The following BECN1 variants were observed in gnomAD, a reference collection of about 807,000 sequenced individuals.
BECN1 encodes beclin 1, also known as beclin-1.
BECN1 carries 15 observed loss-of-function variants against 60.1 expected under a neutral mutation model. That is an observed-to-expected ratio of 0.25 (90% CI 0.17 to 0.38). The LOEUF (loss-of-function observed/expected upper bound fraction) is 0.38, where lower values mean the gene tolerates loss of function less well. Among genes scored for constraint, BECN1 ranks in the 10% least tolerant of loss-of-function variants. The pLI is 1.00. For missense variants in BECN1, 424 were observed against 548.2 expected, an observed-to-expected ratio of 0.77 and a Z score of 2.26; for synonymous variants, 179 against 201.8, an observed-to-expected ratio of 0.89 and a Z score of 0.96.
chr17:42,823,909 G>A (rs905107151), intron 1 of BECN1, 30 bp from the exon 2 acceptor site: 2 of 1,606,222 alleles, frequency 1.2e-6, no homozygotes, highest in African/African-American at 2.7e-5. Flanking sequence ...GCAACATTAG[G>A]GAGAAGCGAC....
intron 10 of BECN1, chr17:42,812,210 C>A (rs928422634): frequency 6.4e-6 from 1 of 155,878 alleles, no homozygotes; most frequent in Admixed American, 6.5e-5. Context: ...CATGGAGAAA[C>A]CCCGTCTCTA....
intron 10 of BECN1, among the ~76,000 whole-genome samples, chr17:42,813,048 G>C: frequency 7.0e-6 from 1 of 143,794 alleles, no homozygotes; most frequent in Admixed American, 7.0e-5. Context: ...GTTTCACTGT[G>C]TTAGCCAGGA....
intron 1 of BECN1, 41 bp from the exon 2 acceptor site, chr17:42,823,920 G>C (rs752226314): frequency 1.9e-6 from 3 of 1,600,132 alleles, no homozygotes; most frequent in Non-Finnish European, 2.6e-6. Context: ...GAGAAGCGAC[G>C]CCCTTGACCT....
chr17:42,820,847 G>A lies in BECN1; in HGVS notation c.131-6C>T, dbSNP rs748037054. 3 of 1,592,824 alleles carry A rather than the reference G, an allele frequency of 1.9e-6. No individual in the cohort carries two copies. The highest frequency in any genetic ancestry group is 2.6e-6 in the Non-Finnish European group (3 of 1,168,262). Reference sequence around the variant, plus strand: ...GGCTGTGGTAAGTAATGGAGCTAAGGGCAAGGAAAATATTGGGTCAGAAAC... The same window carrying A: ...GGCTGTGGTAAGTAATGGAGCTAAGAGCAAGGAAAATATTGGGTCAGAAAC... On this transcript the variant is annotated splice_polypyrimidine_tract_variant and splice_region_variant and intron_variant, in intron 2 of 11. Transcript: ENST00000590099.
rs1161830191 is a variant in BECN1 at position 42,818,337 on chromosome 17, T to C, written c.567A>G (p.Leu189=). ...QLQMELKELA[L]EEERLIQELE... is the part of the protein sequence containing the mutation. ...GCTCCTGGATCAGCCTCTCCTCCTCTAGTGCCAGCTCCTTTAGCTCCATCT... is the reference window on the plus strand; with the variant it reads ...GCTCCTGGATCAGCCTCTCCTCCTCCAGTGCCAGCTCCTTTAGCTCCATCT... The change falls in exon 7 of 12, where the codon CTA becomes CTG. Residue 189 remains leucine (L), a synonymous_variant. Transcript: ENST00000590099. The C allele has an allele frequency of 1.2e-6, 2 of 1,614,232 alleles. No individual in the cohort carries two copies. Among genetic ancestry groups the C allele is most frequent in the Non-Finnish European group, 1.7e-6 (2 of 1,180,040 alleles).
intron 2 of BECN1, among the ~76,000 whole-genome samples, chr17:42,822,213 CAA>C (rs911108747): frequency 6.6e-6 from 1 of 151,582 alleles, no homozygotes; most frequent in South Asian, 2.1e-4. Context: ...AACAAACAAA[CAA>C]AAAAAAGAGC....
chr17:42,813,846 G>A, intron 10 of BECN1, 102 bp downstream of exon 10: 1 of 831,624 alleles, frequency 1.2e-6, no homozygotes, highest in Non-Finnish European at 1.9e-6. Flanking sequence ...TCATATCTAG[G>A]TCTAAAAAAT....
At chr17:42,819,337 T>C (rs942759141) in intron 4 of BECN1, 1 of 557,214 alleles carries the variant, frequency 1.8e-6, no homozygotes, top group Non-Finnish European at 3.2e-6. Context: ...TCATTAAAGC[T>C]ACTATCCTTT....
chr17:42,811,863 A>G, intron 10 of BECN1, 66 bp from the exon 11 acceptor site: 2 of 1,546,802 alleles, frequency 1.3e-6, no homozygotes, highest in Non-Finnish European at 1.8e-6. Context: ...ATTGTTCCCA[A>G]TCCTATCAAT....
chr17:42,811,057 T>C (rs1488131787), intron 11 of BECN1, 129 bp from the exon 12 acceptor site: 1 of 1,040,134 alleles, frequency 9.6e-7, no homozygotes, highest in Non-Finnish European at 1.3e-6. Context: ...GGAATGATAG[T>C]GTATTTTGGA....
At position 42,814,003 on chromosome 17, in the gene BECN1, C is replaced by T. The variant is rs368727081; in HGVS notation, c.986G>A (p.Arg329Gln). The change falls in exon 10 of 12, where the codon CGA (arginine) becomes CAA (glutamine). Residue 329 changes from arginine to glutamine, a missense_variant. By Grantham distance (43) the Arg-to-Gln change is conservative. This residue lies in a region of BECN1 where 326 missense variants were observed against 406.2 expected (regional missense o/e 0.80). Transcript: ENST00000590099. The part of the protein sequence containing the change: ...NKMGLKFQRY[R>Q]LVPYGNHSYL... The stretch of plus-strand genomic sequence containing the variant: ...TGAATGGTTTCCGTAAGGAACAAGT[C>T]GGTATCTAAAATAGAGATACAAACA... The T allele has an allele frequency of 1.8e-5, 29 of 1,600,156 alleles. No homozygotes were observed. Among genetic ancestry groups the T allele is most frequent in the Admixed American group, 5.1e-5 (3 of 58,984 alleles).
At chr17:42,818,987 G>A in intron 4 of BECN1, 110 bp from the exon 5 acceptor site, 2 of 1,236,600 alleles carry the variant, frequency 1.6e-6, no homozygotes, top group South Asian at 1.4e-5. Context: ...GGGCCTCAAG[G>A]AACATACCCA....
intron 11 of BECN1, 57 bp from the exon 12 acceptor site, chr17:42,810,985 G>A (rs2054988869): frequency 1.1e-5 from 16 of 1,489,180 alleles, no homozygotes; most frequent in South Asian, 1.4e-5. Context: ...AAGTAAGTTC[G>A]GGGCAGGGAC....
At chr17:42,816,649 C>CAA (rs1312388751) in intron 7 of BECN1, among the ~76,000 whole-genome samples, 73 of 77,254 alleles carry the variant, frequency 9.4e-4, no homozygotes, top group East Asian at 1.7e-3. Flanking sequence ...GACTCTGTCT[C>CAA]AAAAAAAAAA....
At chr17:42,824,134 T>C (rs1182470978) in intron 1 of BECN1, 21 bp downstream of exon 1, 8 of 472,972 alleles carry the variant, frequency 1.7e-5, no homozygotes, top group Non-Finnish European at 3.0e-5. Context: ...AGGTCCCACC[T>C]CAGCCCCCGA....
At chr17:42,818,942 A>C in intron 4 of BECN1, 65 bp from the exon 5 acceptor site, 5 of 1,552,884 alleles carry the variant, frequency 3.2e-6, no homozygotes, top group South Asian at 1.1e-5. Flanking sequence ...ACCTACTACA[A>C]TGCCAGTGGC....
chr17:42,822,947 C>T (rs1307576538), intron 2 of BECN1, among the ~76,000 whole-genome samples: 1 of 152,018 alleles, frequency 6.6e-6, no homozygotes, highest in East Asian at 1.9e-4. Flanking sequence ...TCCCAAAGCA[C>T]TGAGATTACA....
At chr17:42,822,127 C>T (rs901079151) in intron 2 of BECN1, among the ~76,000 whole-genome samples, 2 of 152,074 alleles carry the variant, frequency 1.3e-5, no homozygotes, top group Admixed American at 6.6e-5. Flanking sequence ...CACTTGAACC[C>T]GGGAGGCAGA....
intron 9 of BECN1, 180 bp downstream of exon 9, chr17:42,814,344 G>GTGATCAGTGGAGAGAGCCCTGTGA: frequency 1.3e-6 from 1 of 749,436 alleles, no homozygotes; most frequent in Non-Finnish European, 2.1e-6. Context: ...CAGTGACTGT[G>GTGATCAGTGGAGAGAGCCCTGTGA]TGATCAGTGG....
Sources: gnomAD v4.1 joint callset for allele counts (sites outside exome capture counted in the v4.1 genomes callset) on GRCh38, gnomAD v4.1.1 for gene constraint, gnomAD v4.1.1 regional missense constraint, MANE v1.5 for transcripts, NCBI Gene and HGNC (gene_info 2026-07-23, HGNC 2026-07-21) for gene names.